The following SAMSN1 variants were observed in gnomAD, a reference collection of about 807,000 sequenced individuals.
The protein encoded by SAMSN1 is SAM domain, SH3 domain and nuclear localization signals 1.
A neutral mutation model predicts 42.0 loss-of-function variants in SAMSN1; 31 were observed. The observed-to-expected ratio is 0.74, with a 90% CI of 0.55 to 1.00. SAMSN1 has a LOEUF of 1.00. Among genes scored for constraint, SAMSN1 ranks in the 50% least tolerant of loss-of-function variants. SAMSN1 has a pLI of 0.00. For missense variants in SAMSN1, 464 were observed against 439.4 expected (o/e 1.06, Z -0.50); for synonymous variants, 178 against 151.9 (o/e 1.17, Z -1.26).
At chr21:14,625,607 C>G (rs1050143296) in intron 2 of SAMSN1, among the ~76,000 whole-genome samples, 1 of 152,090 alleles carries the variant, frequency 6.6e-6, no homozygotes, top group African/African-American at 2.4e-5. Context: ...AACTGCAAAC[C>G]ACTGCTCAAT....
chr21:14,606,928 C>T (rs1254005959), intron 5 of SAMSN1, among the ~76,000 whole-genome samples: 2 of 152,136 alleles, frequency 1.3e-5, no homozygotes, highest in African/African-American at 4.8e-5. Context: ...GGAATTTTTT[C>T]ATCAGGTCCC....
At chr21:14,648,961 A>G (rs1983773000) in intron 1 of SAMSN1, among the ~76,000 whole-genome samples, 1 of 151,696 alleles carries the variant, frequency 6.6e-6, no homozygotes, top group Non-Finnish European at 1.5e-5. Flanking sequence ...CTATAAAGAC[A>G]CATGCACACG....
At chr21:14,501,843 G>A (rs1031634989) in intron 5 of SAMSN1, among the ~76,000 whole-genome samples, 5 of 152,110 alleles carry the variant, frequency 3.3e-5, no homozygotes, top group African/African-American at 1.2e-4. Flanking sequence ...ATATTAGTAT[G>A]GACAAACCAA....
In SAMSN1 at chr21:14,512,584, C is replaced by T; in HGVS notation, c.280-11G>A. The T allele has an allele frequency of 6.2e-7, 1 of 1,613,466 alleles. No homozygotes were observed. The highest frequency in any genetic ancestry group is 8.5e-7 in the Non-Finnish European group (1 of 1,179,476). On this transcript the variant is annotated splice_polypyrimidine_tract_variant and intron_variant, in intron 3 of 7. Transcript: ENST00000400566. ...TCCATCTTCCTCATCCTTCAGAAAA[C>T]ATATCAGAGGTTAGGTACAGAGAGA...
chr21:14,578,125 T>C (rs1459992444), intron 2 of SAMSN1, among the ~76,000 whole-genome samples: 1 of 152,180 alleles, frequency 6.6e-6, no homozygotes, highest in Admixed American at 6.5e-5. Context: ...CCAACACTAT[T>C]TCACTAAATT....
intron 2 of SAMSN1, among the ~76,000 whole-genome samples, chr21:14,626,838 T>A (rs1257996838): frequency 6.6e-6 from 1 of 152,192 alleles, no homozygotes; most frequent in African/African-American, 2.4e-5. Flanking sequence ...GTATGTTTAT[T>A]GTGGCACTAT....
At chr21:14,489,445 T>G (rs539753012) in intron 7 of SAMSN1, among the ~76,000 whole-genome samples, 7 of 152,210 alleles carry the variant, frequency 4.6e-5, no homozygotes, top group Non-Finnish European at 7.4e-5. Flanking sequence ...TAATTTTCCC[T>G]CTATTTCTCA....
At chr21:14,656,977 G>A (rs561981156) in intron 1 of SAMSN1, among the ~76,000 whole-genome samples, 1 of 150,820 alleles carries the variant, frequency 6.6e-6, no homozygotes, top group Non-Finnish European at 1.5e-5. Flanking sequence ...TTTCTTAAAT[G>A]CAGTGTCCCA....
rs1335993126 is a variant in SAMSN1, at chr21:14,648,688, A to G, written c.25-5555T>C. On this transcript the variant is annotated intron_variant, in intron 1 of 15. Transcript: ENST00000647101. The stretch of plus-strand genomic sequence containing the variant: ...GAAAAAATGCTCATCATCACTGGCC[A>G]TCAGAGAAATGCAAATCAAAACCAC... 4.6e-5 allele frequency among the ~76,000 whole-genome samples: 7 copies of G among 151,240 alleles called. No individual in the cohort carries two copies. In the East Asian group the frequency reaches 1.2e-3, roughly 25 times the overall value.
chr21:14,562,253 A>G (rs747934445), intron 2 of SAMSN1, among the ~76,000 whole-genome samples: 30 of 152,218 alleles, frequency 2.0e-4, no homozygotes, highest in Non-Finnish European at 2.8e-4. Flanking sequence ...AAATAGAGAG[A>G]TATACCTTTC....
At chr21:14,500,409 A>G (rs1987096892) in intron 6 of SAMSN1, 120 bp downstream of exon 6, 1 of 770,662 alleles carries the variant, frequency 1.3e-6, no homozygotes, top group Non-Finnish European at 2.1e-6. Flanking sequence ...CTAGGAAAAC[A>G]GGTTTTCCTT....
At chr21:14,492,519 C>G (rs951301867) in intron 7 of SAMSN1, among the ~76,000 whole-genome samples, 4 of 152,118 alleles carry the variant, frequency 2.6e-5, no homozygotes, top group African/African-American at 9.7e-5. Context: ...AAGATTCGGT[C>G]TTGTTTGGCC....
At chr21:14,587,542 A>G (rs1439240567), upstream of SAMSN1, among the ~76,000 whole-genome samples, 1 of 152,092 alleles carries the variant, frequency 6.6e-6, no homozygotes, top group Non-Finnish European at 1.5e-5. Flanking sequence ...TTTTGAAATT[A>G]CTTAAGGATT....
chr21:14,605,373 G>A (rs1047563658), intron 5 of SAMSN1, among the ~76,000 whole-genome samples: 25 of 152,160 alleles, frequency 1.6e-4, no homozygotes, highest in South Asian at 2.1e-4. Context: ...CATCTTGTAA[G>A]CAAGCATTTA....
upstream of SAMSN1, chr21:14,583,650 G>C (rs183721290): frequency 2.1e-5 from 15 of 717,120 alleles, no homozygotes; most frequent in East Asian, 4.0e-4. Context: ...TCTTACTTAC[G>C]GAGGTTTATT....
intron 6 of SAMSN1, chr21:14,598,151 T>C (rs956335288): frequency 1.1e-4 from 17 of 152,136 alleles, no homozygotes; most frequent in African/African-American, 4.1e-4. Context: ...GGTTCAGTCC[T>C]GGGTAGGGGT....
chr21:14,540,693 A>T (rs926832728), intron 1 of SAMSN1, among the ~76,000 whole-genome samples: 2 of 152,238 alleles, frequency 1.3e-5, no homozygotes, highest in African/African-American at 2.4e-5. Context: ...TGGGACTGTA[A>T]ACTAGTTCAA....
At chr21:14,588,364 C>G (rs1386672416), upstream of SAMSN1, among the ~76,000 whole-genome samples, 1 of 138,912 alleles carries the variant, frequency 7.2e-6, no homozygotes, top group African/African-American at 2.6e-5. Context: ...GTCCCACCAA[C>G]AGTGTAAAAG....
intron 2 of SAMSN1, among the ~76,000 whole-genome samples, chr21:14,574,297 C>T (rs1341192844): frequency 6.6e-6 from 1 of 152,152 alleles, no homozygotes; most frequent in African/African-American, 2.4e-5. Flanking sequence ...ACTTGATTAT[C>T]ATGGATCTTA....
Sources: allele counts gnomAD v4.1 joint callset (sites outside exome capture counted in the v4.1 genomes callset), GRCh38; gene constraint gnomAD v4.1.1; transcripts MANE v1.5; gene names NCBI Gene and HGNC (gene_info 2026-07-23, HGNC 2026-07-21).